The following GNB4 variants were observed in gnomAD, a reference collection of about 807,000 sequenced individuals.
The protein encoded by GNB4 is G protein subunit beta 4.
GNB4 carries 28 observed loss-of-function variants against 45.2 expected under a neutral mutation model. That is an observed-to-expected ratio of 0.62 (90% CI 0.46 to 0.85). GNB4 has a LOEUF of 0.85. Among genes scored for constraint, GNB4 ranks in the 40% least tolerant of loss-of-function variants. GNB4 has a pLI of 0.00. For synonymous variants in GNB4, 132 were observed against 143.7 expected (o/e 0.92, Z 0.58); for missense variants, 321 against 425.4 (o/e 0.75, Z 2.16).
chr3:179,464,920 A>G, the GNB4 span: 45 of 1,526,452 alleles, frequency 2.9e-5, no homozygotes, highest in South Asian at 5.0e-4. Flanking sequence ...TTCCAACCCT[A>G]GGGAAGAATG....
intron 8 of GNB4, among the ~76,000 whole-genome samples, chr3:179,411,550 G>A (rs542034362): frequency 2.0e-5 from 3 of 149,346 alleles, no homozygotes; most frequent in South Asian, 2.1e-4. Flanking sequence ...CTCAACAGAC[G>A]GACAAAAAGT....
At chr3:179,437,522 C>T (rs1715485950) in intron 1 of GNB4, among the ~76,000 whole-genome samples, 1 of 151,374 alleles carries the variant, frequency 6.6e-6, no homozygotes, top group African/African-American at 2.4e-5. Flanking sequence ...CGGAAGATTG[C>T]ACAACTGCAC....
the GNB4 span, among the ~76,000 whole-genome samples, chr3:179,475,821 T>A: frequency 6.6e-6 from 1 of 152,184 alleles, no homozygotes; most frequent in African/African-American, 2.4e-5. Context: ...AACACACTCC[T>A]GCAATAATGA....
chr3:179,447,435 A>G (rs1015222039), intron 1 of GNB4, among the ~76,000 whole-genome samples: 12 of 150,646 alleles, frequency 8.0e-5, no homozygotes, highest in African/African-American at 2.9e-4. Flanking sequence ...TGCAACTTTG[A>G]CCTCCTGGAC....
the GNB4 span, among the ~76,000 whole-genome samples, chr3:179,527,777 CGTGTGTGTATGTATGTGTGTGT>C: frequency 8.2e-6 from 1 of 122,148 alleles, no homozygotes; most frequent in Non-Finnish European, 1.7e-5. Context: ...CTGATAAGTG[CGTGTGTGTATGTATGTGTGTGT>C]GTGTGTGTGT....
the GNB4 span, among the ~76,000 whole-genome samples, chr3:179,515,866 G>T: frequency 6.6e-6 from 1 of 152,172 alleles, no homozygotes; most frequent in East Asian, 1.9e-4. Flanking sequence ...TAAGCTGAAG[G>T]AATATTTTGT....
At chr3:179,405,496 C>T in intron 8 of GNB4, 90 bp from the exon 9 acceptor site, 1 of 896,718 alleles carries the variant, frequency 1.1e-6, no homozygotes, top group South Asian at 1.8e-5. Flanking sequence ...GATTAATATT[C>T]CAACTTGGCT....
At chr3:179,501,490 A>ATTT in the GNB4 span, among the ~76,000 whole-genome samples, 248 of 144,650 alleles carry the variant, frequency 1.7e-3, 1 homozygote, top group Non-Finnish European at 2.7e-3. Flanking sequence ...TTTGGTTTGG[A>ATTT]TTTTTTTTTT....
the GNB4 span, among the ~76,000 whole-genome samples, chr3:179,505,733 G>C: frequency 6.6e-6 from 1 of 152,152 alleles, no homozygotes; most frequent in African/African-American, 2.4e-5. Context: ...ACACGTTCCA[G>C]CAAAAGCTTT....
At chr3:179,467,337 T>A in the GNB4 span, among the ~76,000 whole-genome samples, 12 of 152,278 alleles carry the variant, frequency 7.9e-5, no homozygotes, top group African/African-American at 2.9e-4. Context: ...GCATAGGAGA[T>A]GTTTCTGGAT....
At chr3:179,406,755 G>T (rs1183054458) in intron 8 of GNB4, among the ~76,000 whole-genome samples, 1 of 152,070 alleles carries the variant, frequency 6.6e-6, no homozygotes, top group East Asian at 1.9e-4. Context: ...TGGGATTACA[G>T]GCATGCACCA....
intron 1 of GNB4, among the ~76,000 whole-genome samples, chr3:179,428,354 A>T (rs1715204961): frequency 6.6e-6 from 1 of 152,154 alleles, no homozygotes; most frequent in African/African-American, 2.4e-5. Context: ...ATTGTTTAAC[A>T]ATTTAGTATG....
chr3:179,448,417 G>A (rs1715790940), intron 1 of GNB4, among the ~76,000 whole-genome samples: 2 of 151,016 alleles, frequency 1.3e-5, no homozygotes, highest in African/African-American at 4.9e-5. Flanking sequence ...ACTACACAGA[G>A]TTCAAGATTA....
chr3:179,422,335 C>A (rs1277928067), intron 2 of GNB4, among the ~76,000 whole-genome samples: 1 of 151,768 alleles, frequency 6.6e-6, no homozygotes. Context: ...CATTATAAAA[C>A]AGAATATAAG....
At chr3:179,436,189 G>A (rs183688840) in intron 1 of GNB4, among the ~76,000 whole-genome samples, 91 of 152,176 alleles carry the variant, frequency 6.0e-4, no homozygotes, top group African/African-American at 2.0e-3. Flanking sequence ...GCCTGAGGCA[G>A]GGAGTTCGAG....
the GNB4 span, among the ~76,000 whole-genome samples, chr3:179,456,856 A>C: frequency 6.6e-6 from 1 of 152,208 alleles, no homozygotes; most frequent in Non-Finnish European, 1.5e-5. Context: ...CTCACTTAGC[A>C]TAACACTTTG....
At chr3:179,454,106 C>G (rs1052779245), upstream of GNB4, among the ~76,000 whole-genome samples, 2 of 152,086 alleles carry the variant, frequency 1.3e-5, no homozygotes, top group Admixed American at 6.5e-5. Flanking sequence ...TTTGTGTAGA[C>G]AATTGTAGAG....
the GNB4 span, among the ~76,000 whole-genome samples, chr3:179,517,867 T>C: frequency 1.3e-5 from 2 of 152,140 alleles, no homozygotes; most frequent in Non-Finnish European, 2.9e-5. Flanking sequence ...GCCTGCCTGA[T>C]TATTCACCCA....
At chr3:179,503,230 G>A in the GNB4 span, among the ~76,000 whole-genome samples, 1 of 152,192 alleles carries the variant, frequency 6.6e-6, no homozygotes, top group Non-Finnish European at 1.5e-5. Flanking sequence ...GCATGCTGAA[G>A]TATTTAGAGG....
Sources: allele counts gnomAD v4.1 joint callset (sites outside exome capture counted in the v4.1 genomes callset), GRCh38; gene constraint gnomAD v4.1.1; transcripts MANE v1.5; gene names NCBI Gene and HGNC (gene_info 2026-07-23, HGNC 2026-07-21).